NUDT3: variants seen among roughly 807,000 people sequenced by gnomAD.
NUDT3 encodes nudix hydrolase 3.
A neutral mutation model predicts 23.6 loss-of-function variants in NUDT3; 9 were observed. That is an observed-to-expected ratio of 0.38 (90% CI 0.23 to 0.66). The LOEUF (loss-of-function observed/expected upper bound fraction) is 0.66. NUDT3 is among the 30% of genes least tolerant of loss of function. NUDT3 has a pLI of 0.52. For missense variants in NUDT3, 172 were observed against 218.5 expected (o/e 0.79, Z 1.34); for synonymous variants, 86 against 82.6 (o/e 1.04, Z -0.22).
intron 2 of NUDT3, among the ~76,000 whole-genome samples, chr6:34,327,524 G>A (rs1324076242): frequency 2.3e-5 from 3 of 129,100 alleles, no homozygotes; most frequent in African/African-American, 3.0e-5. Flanking sequence ...GCGAGACTCC[G>A]CCTCAAAAAA....
At chr6:34,352,821 G>C (rs1042095991) in intron 1 of NUDT3, among the ~76,000 whole-genome samples, 2 of 152,120 alleles carry the variant, frequency 1.3e-5, no homozygotes, top group Non-Finnish European at 2.9e-5. Context: ...TCTGACACCA[G>C]TCACATAAAT....
chr6:34,344,131 G>A (rs187042147), intron 1 of NUDT3, among the ~76,000 whole-genome samples: 3 of 152,200 alleles, frequency 2.0e-5, no homozygotes, highest in African/African-American at 7.2e-5. Flanking sequence ...GAAACAATTT[G>A]GTTGTTCCTC....
chr6:34,310,461 G>A (rs1034031846), intron 2 of NUDT3, among the ~76,000 whole-genome samples: 29 of 151,596 alleles, frequency 1.9e-4, no homozygotes, highest in African/African-American at 5.6e-4. Context: ...ACTGGGAAGC[G>A]GAGGTTGCAG....
intron 2 of NUDT3, among the ~76,000 whole-genome samples, chr6:34,325,216 T>C (rs1764006948): frequency 1.3e-5 from 2 of 151,456 alleles, no homozygotes; most frequent in African/African-American, 4.8e-5. Flanking sequence ...GATTACTTTA[T>C]ATAATGAATT....
At chr6:34,315,896 G>A (rs1763850291) in intron 2 of NUDT3, among the ~76,000 whole-genome samples, 1 of 152,138 alleles carries the variant, frequency 6.6e-6, no homozygotes, top group Admixed American at 6.5e-5. Flanking sequence ...ATAGCTGATC[G>A]TCTTTCTTCC....
chr6:34,327,156 CA>C (rs1232808404), intron 2 of NUDT3, among the ~76,000 whole-genome samples: 1 of 152,028 alleles, frequency 6.6e-6, no homozygotes, highest in Non-Finnish European at 1.5e-5. Context: ...GATCATAGGA[CA>C]GGGGGCCCTT....
At chr6:34,379,482 C>A (rs1038540068) in intron 1 of NUDT3, among the ~76,000 whole-genome samples, 3 of 151,958 alleles carry the variant, frequency 2.0e-5, no homozygotes, top group African/African-American at 7.3e-5. Context: ...ATCGCTTGAA[C>A]CTGGGAGGCA....
intron 2 of NUDT3, among the ~76,000 whole-genome samples, chr6:34,326,598 C>T (rs1764033653): frequency 6.8e-6 from 1 of 146,852 alleles, no homozygotes. Context: ...GATAATCCAG[C>T]TTTTTTTTTT....
intron 1 of NUDT3, among the ~76,000 whole-genome samples, chr6:34,369,147 A>G (rs1318739066): frequency 6.6e-6 from 1 of 152,244 alleles, no homozygotes; most frequent in Admixed American, 6.5e-5. Flanking sequence ...GAACATAAAT[A>G]CAATTCTGCA....
At chr6:34,374,286 C>A (rs772811168) in intron 1 of NUDT3, among the ~76,000 whole-genome samples, 14 of 151,628 alleles carry the variant, frequency 9.2e-5, no homozygotes, top group African/African-American at 2.7e-4. Flanking sequence ...CAGATTTCAA[C>A]ACTCTTTTGG....
chr6:34,323,100 A>G (rs189380636), intron 2 of NUDT3, among the ~76,000 whole-genome samples: 180 of 152,284 alleles, frequency 1.2e-3, no homozygotes, highest in African/African-American at 4.1e-3. Context: ...GGATTCTAAA[A>G]GTGGGGAGGG....
At chr6:34,296,598 C>T (rs1017244474) in intron 2 of NUDT3, among the ~76,000 whole-genome samples, 6 of 151,978 alleles carry the variant, frequency 3.9e-5, no homozygotes, top group Non-Finnish European at 8.8e-5. Context: ...CATACATACA[C>T]GCATACATAC....
At chr6:34,331,205 T>C (rs1391713181) in intron 2 of NUDT3, among the ~76,000 whole-genome samples, 9 of 152,140 alleles carry the variant, frequency 5.9e-5, no homozygotes, top group Admixed American at 6.5e-5. Flanking sequence ...CTAGAGATAA[T>C]TGAGCAGCTC....
intron 2 of NUDT3, among the ~76,000 whole-genome samples, chr6:34,320,232 CT>C (rs954287858): frequency 1.8e-4 from 27 of 148,494 alleles, no homozygotes; most frequent in Admixed American, 2.0e-4. Context: ...CTTTTCTGCT[CT>C]TTTTTTTTTG....
chr6:34,296,670 AC>A (rs2113696457), intron 2 of NUDT3, among the ~76,000 whole-genome samples: 1 of 152,340 alleles, frequency 6.6e-6, no homozygotes, highest in Admixed American at 6.5e-5. Flanking sequence ...CCTAATTTGA[AC>A]CAGAAAACAG....
chr6:34,319,254 G>A (rs577846339), intron 2 of NUDT3, among the ~76,000 whole-genome samples: 75 of 152,160 alleles, frequency 4.9e-4, no homozygotes, highest in South Asian at 2.7e-3. Flanking sequence ...TCTATCTACC[G>A]GAAGACAGCC....
At chr6:34,316,053 G>A (rs529592702) in intron 2 of NUDT3, among the ~76,000 whole-genome samples, 46 of 152,248 alleles carry the variant, frequency 3.0e-4, no homozygotes, top group African/African-American at 1.0e-3. Flanking sequence ...GTTTCGTAGA[G>A]ACAGGTCTCT....
chr6:34,381,863 A>T (rs1765023359), intron 1 of NUDT3, among the ~76,000 whole-genome samples: 1 of 152,002 alleles, frequency 6.6e-6, no homozygotes, highest in Admixed American at 6.6e-5. Flanking sequence ...TCACGAGGTC[A>T]GGAGTTCGAG....
intron 2 of NUDT3, among the ~76,000 whole-genome samples, chr6:34,301,418 G>A (rs943924358): frequency 6.6e-6 from 1 of 152,108 alleles, no homozygotes; most frequent in African/African-American, 2.4e-5. Flanking sequence ...TTGTGTCTTC[G>A]GCCAACAGAA....
Sources: gnomAD v4.1 joint callset for allele counts (sites outside exome capture counted in the v4.1 genomes callset) on GRCh38, gnomAD v4.1.1 for gene constraint, MANE v1.5 for transcripts, NCBI Gene and HGNC (gene_info 2026-07-23, HGNC 2026-07-21) for gene names.